The following SDK1 variants were observed in gnomAD, a reference collection of about 807,000 sequenced individuals.
The protein encoded by SDK1 is sidekick cell adhesion molecule 1.
SDK1 carries 157 observed loss-of-function variants against 245.5 expected under a neutral mutation model. The ratio of observed to expected loss-of-function variants is 0.64; its 90% CI spans 0.56 to 0.73. SDK1 has a LOEUF of 0.73. Among genes scored for constraint, SDK1 ranks in the 30% least tolerant of loss-of-function variants. SDK1 has a pLI of 0.00. For missense variants in SDK1, 3,583 were observed against 3,002.3 expected (o/e 1.19, Z -4.52); for synonymous variants, 1,647 against 1,278.5 (o/e 1.29, Z -6.15).
At chr7:3,841,124 G>A (rs1366355651) in intron 5 of SDK1, among the ~76,000 whole-genome samples, 3 of 152,326 alleles carry the variant, frequency 2.0e-5, no homozygotes, top group Admixed American at 6.5e-5. Flanking sequence ...GTTTTACACA[G>A]GAGTGAGCTG....
chr7:4,136,220 A>G (rs894495481), intron 28 of SDK1, among the ~76,000 whole-genome samples: 1 of 152,158 alleles, frequency 6.6e-6, no homozygotes, highest in Non-Finnish European at 1.5e-5. Context: ...TTGTAATTGT[A>G]ATGCATGTTG....
At chr7:4,004,313 C>A (rs1336347853) in intron 14 of SDK1, among the ~76,000 whole-genome samples, 1 of 152,156 alleles carries the variant, frequency 6.6e-6, no homozygotes, top group South Asian at 2.1e-4. Flanking sequence ...TCAGGAGATT[C>A]AACATGCAGA....
chr7:4,102,062 A>G (rs1369853184), intron 22 of SDK1, among the ~76,000 whole-genome samples: 1 of 152,230 alleles, frequency 6.6e-6, no homozygotes, highest in Non-Finnish European at 1.5e-5. Flanking sequence ...GTCCCCAGGG[A>G]AGGGCTGGGA....
At chr7:3,711,213 G>C (rs1020345903) in intron 4 of SDK1, among the ~76,000 whole-genome samples, 1 of 152,148 alleles carries the variant, frequency 6.6e-6, no homozygotes, top group Non-Finnish European at 1.5e-5. Context: ...TATTTTTGCA[G>C]ATCTCTTCTT....
At chr7:3,767,910 A>G (rs979550441) in intron 4 of SDK1, among the ~76,000 whole-genome samples, 2 of 152,246 alleles carry the variant, frequency 1.3e-5, no homozygotes, top group Non-Finnish European at 2.9e-5. Context: ...TGATTATTGA[A>G]CACTTACTTT....
chr7:3,616,148 A>G lies in SDK1; in HGVS notation c.299-2932A>G, dbSNP rs1781765625. ...CAATCCTTCCGCCTCAGCCTCCCAAAGTGTTGGGATTATAGGCATAAGCCA... is the reference window on the plus strand; with the variant it reads ...CAATCCTTCCGCCTCAGCCTCCCAAGGTGTTGGGATTATAGGCATAAGCCA... On this transcript the variant is annotated intron_variant, in intron 1 of 44. Coordinates refer to ENST00000404826, the MANE Select transcript of SDK1 (RefSeq NM_152744.4). 1.3e-5 allele frequency among the ~76,000 whole-genome samples: 2 copies of G among 152,220 alleles called. 1 individual carries two copies. Among genetic ancestry groups the G allele is most frequent in the South Asian group, 4.1e-4 (2 of 4,834 alleles).
chr7:3,974,627 G>C (rs1324329719), intron 13 of SDK1, 82 bp downstream of exon 13: 8 of 1,368,214 alleles, frequency 5.8e-6, no homozygotes, highest in Non-Finnish European at 8.2e-6. Flanking sequence ...CACTTCACAA[G>C]TGTCACGCCC....
At chr7:3,965,479 TAGG>T in intron 9 of SDK1, among the ~76,000 whole-genome samples, 1 of 152,292 alleles carries the variant, frequency 6.6e-6, no homozygotes, top group African/African-American at 2.4e-5. Flanking sequence ...TGTTTTGTAG[TAGG>T]AGGTTTTTTG....
intron 4 of SDK1, among the ~76,000 whole-genome samples, chr7:3,696,228 A>G (rs2115001436): frequency 6.6e-6 from 1 of 151,750 alleles, no homozygotes; most frequent in Non-Finnish European, 1.5e-5. Context: ...AGCTCCCACC[A>G]CTCACTGTGG....
At chr7:3,880,587 T>C (rs1157531438) in intron 5 of SDK1, among the ~76,000 whole-genome samples, 1 of 101,246 alleles carries the variant, frequency 9.9e-6, no homozygotes, top group Non-Finnish European at 1.9e-5. Context: ...TGCAGACAGG[T>C]GAAAAACAAA....
intron 1 of SDK1, among the ~76,000 whole-genome samples, chr7:3,551,903 A>G (rs998955429): frequency 6.6e-6 from 1 of 152,216 alleles, no homozygotes; most frequent in African/African-American, 2.4e-5. Flanking sequence ...TTAGAATTAG[A>G]AATTGTGAAT....
chr7:3,450,539 G>T (rs538608616), intron 1 of SDK1, among the ~76,000 whole-genome samples: 1 of 152,290 alleles, frequency 6.6e-6, no homozygotes, highest in South Asian at 2.1e-4. Flanking sequence ...TTTCTAGTTT[G>T]GAACAAGTAG....
intron 1 of SDK1, among the ~76,000 whole-genome samples, chr7:3,375,308 A>G (rs2128564806): frequency 6.6e-6 from 1 of 152,362 alleles, no homozygotes; most frequent in African/African-American, 2.4e-5. Flanking sequence ...CTGACCCAGG[A>G]CTAGACAGAA....
At chr7:4,251,915 G>T (rs1787326312) in intron 44 of SDK1, among the ~76,000 whole-genome samples, 1 of 152,126 alleles carries the variant, frequency 6.6e-6, no homozygotes, top group Non-Finnish European at 1.5e-5. Flanking sequence ...TTGGAGTTTT[G>T]TCAGATGGTT....
At chr7:3,671,079 G>C (rs1316669243) in intron 4 of SDK1, among the ~76,000 whole-genome samples, 1 of 152,162 alleles carries the variant, frequency 6.6e-6, no homozygotes, top group African/African-American at 2.4e-5. Flanking sequence ...TGGAGGACTG[G>C]GACCTCAAGG....
rs191171632 is a variant in SDK1, at chr7:4,241,774, C to T, written c.6131-19C>T. 2 of 1,613,948 alleles carry T rather than the reference C, an allele frequency of 1.2e-6. No homozygotes were observed. The highest frequency in any genetic ancestry group is 4.5e-5 in the East Asian group (2 of 44,854). ...CACACCAGTAACACGTCTGTTCTCA[C>T]TCTCCTGCTGGGCTTTAGGAAAGGG... On this transcript the variant is annotated intron_variant, in intron 42 of 44. Transcript: ENST00000404826.
At chr7:3,554,064 C>G (rs1197375245) in intron 1 of SDK1, among the ~76,000 whole-genome samples, 2 of 152,302 alleles carry the variant, frequency 1.3e-5, no homozygotes, top group East Asian at 3.9e-4. Context: ...GACAGGAAAT[C>G]AGCAAGGATG....
intron 4 of SDK1, among the ~76,000 whole-genome samples, chr7:3,738,405 A>G (rs1018562170): frequency 5.9e-5 from 9 of 152,326 alleles, no homozygotes; most frequent in Admixed American, 5.9e-4. Context: ...ATTGGTTTGT[A>G]TGCCTCTCTC....
chr7:3,365,348 G>A (rs1428160323), intron 1 of SDK1, among the ~76,000 whole-genome samples: 1 of 152,102 alleles, frequency 6.6e-6, no homozygotes, highest in East Asian at 1.9e-4. Flanking sequence ...TTTTAGGGGA[G>A]AATAATTTGA....
Sources: allele counts gnomAD v4.1 joint callset (sites outside exome capture counted in the v4.1 genomes callset), GRCh38; gene constraint gnomAD v4.1.1; transcripts MANE v1.5; gene names NCBI Gene and HGNC (gene_info 2026-07-23, HGNC 2026-07-21).